The following PLXNA2 variants were observed in gnomAD, a reference collection of about 807,000 sequenced individuals.
PLXNA2 encodes plexin A2, also known as plexin-A2.
A neutral mutation model predicts 193.5 loss-of-function variants in PLXNA2; 91 were observed. The observed-to-expected ratio is 0.47, with a 90% CI of 0.40 to 0.56. The LOEUF (loss-of-function observed/expected upper bound fraction) is 0.56. Ranked by LOEUF, PLXNA2 falls within the 20% of genes least tolerant of loss-of-function variation. PLXNA2 has a pLI of 0.00. For missense variants in PLXNA2, 1,995 were observed against 2,503.2 expected (o/e 0.80, Z 4.33); for synonymous variants, 997 against 1,027.3 (o/e 0.97, Z 0.56).
chr1:208,084,385 T>C lies in PLXNA2; in HGVS notation c.2293A>G (p.Ser765Gly), dbSNP rs1444498462. 12 of 1,614,088 alleles carry C rather than the reference T, an allele frequency of 7.4e-6. No individual in the cohort carries two copies. The highest frequency in any genetic ancestry group is 3.3e-5 in the Admixed American group (2 of 60,008). The part of the protein sequence containing the change: ...FNSSSVQCQN[S>G]SYQYDGMDIS... ...CCCAGCCTGCGTTTTCTTACCGAGC[T>C]GTTCTGACACTGAACGCTGGAGCTG... The change falls in exon 10 of 32, where the codon AGC becomes GGC. Residue 765 changes from serine (S) to glycine (G), a missense_variant. Ser to Gly is a moderately conservative substitution (Grantham distance 56, BLOSUM62 0). This residue lies in a region of PLXNA2 where 1,291 missense variants were observed against 1,673.6 expected (regional missense o/e 0.77). Coordinates refer to ENST00000367033, the MANE Select transcript of PLXNA2 (RefSeq NM_025179.4).
At chr1:208,160,818 C>A (rs184954143) in intron 3 of PLXNA2, among the ~76,000 whole-genome samples, 237 of 152,332 alleles carry the variant, frequency 1.6e-3, no homozygotes, top group African/African-American at 5.4e-3. Flanking sequence ...CAGAGAGGGC[C>A]CACTGGGCCT....
chr1:208,143,825 TTC>T (rs1668528910), intron 3 of PLXNA2, among the ~76,000 whole-genome samples: 1 of 152,168 alleles, frequency 6.6e-6, no homozygotes, highest in South Asian at 2.1e-4. Flanking sequence ...ACTCGAATTG[TTC>T]TCTAATTGCT....
At position 208,084,396 on chromosome 1, in the gene PLXNA2, T is replaced by C; in HGVS notation, c.2282A>G (p.Gln761Arg). 1.9e-6 allele frequency: 3 copies of C among 1,614,256 alleles called. No individual in the cohort carries two copies. Among genetic ancestry groups the C allele is most frequent in the Non-Finnish European group, 2.5e-6 (3 of 1,180,044 alleles). Residue 761 changes from glutamine (Q) to arginine (R), a missense_variant, in exon 10 of 32, where the codon CAG (glutamine) becomes CGG (arginine). By Grantham distance (43) the Gln-to-Arg change is conservative. Coordinates refer to ENST00000367033, the MANE Select transcript of PLXNA2 (RefSeq NM_025179.4). ...PALRFNSSSV[Q>R]CQNSSYQYDG... ...TTTTCTTACCGAGCTGTTCTGACACTGAACGCTGGAGCTGTTGAAGCGCAG... is the reference window on the plus strand; with the variant it reads ...TTTTCTTACCGAGCTGTTCTGACACCGAACGCTGGAGCTGTTGAAGCGCAG...
chr1:208,113,819 G>A (rs909088581), intron 4 of PLXNA2, among the ~76,000 whole-genome samples: 1 of 152,134 alleles, frequency 6.6e-6, no homozygotes, highest in Non-Finnish European at 1.5e-5. Flanking sequence ...GCAACTCAAA[G>A]TGTTGGAATT....
At chr1:208,076,552 A>G (rs1666157505) in intron 12 of PLXNA2, among the ~76,000 whole-genome samples, 1 of 152,208 alleles carries the variant, frequency 6.6e-6, no homozygotes, top group Non-Finnish European at 1.5e-5. Context: ...GGTACCATAC[A>G]GGTATTTTTG....
At chr1:208,068,239 C>G (rs1665860020) in intron 12 of PLXNA2, among the ~76,000 whole-genome samples, 1 of 152,206 alleles carries the variant, frequency 6.6e-6, no homozygotes, top group Admixed American at 6.5e-5. Context: ...CTGGTCTCAA[C>G]CAGACACTAG....
At chr1:208,232,097 C>T (rs1671710258) in intron 1 of PLXNA2, among the ~76,000 whole-genome samples, 1 of 152,210 alleles carries the variant, frequency 6.6e-6, no homozygotes, top group African/African-American at 2.4e-5. Context: ...TGCCATTTGG[C>T]TCTTGCCCAG....
At position 208,026,980 on chromosome 1, in the gene PLXNA2, G is replaced by T; in HGVS notation, c.*263C>A. ...AACTGTCCCCAGCTCGTGCCTCTCGGCTTGAAGAACCACCTTCTCCCGGCC... is the reference window on the plus strand; with the variant it reads ...AACTGTCCCCAGCTCGTGCCTCTCGTCTTGAAGAACCACCTTCTCCCGGCC... On this transcript the variant is annotated 3_prime_UTR_variant, in exon 32 of 32. Transcript: ENST00000367033. 1 of 384,560 alleles carries T rather than the reference G, an allele frequency of 2.6e-6. No homozygotes were observed. The highest frequency in any genetic ancestry group is 4.8e-6 in the Non-Finnish European group (1 of 209,612). 23.8% of individuals were successfully genotyped at this position (384,560 alleles called of 1,614,324 possible). A position where few individuals can be genotyped will look rare whatever the true frequency, so the allele number is the denominator to read the frequency against.
Position 208,210,368 on chromosome 1 carries a change from C to T in PLXNA2, c.1283G>A (p.Ser428Asn). The T allele has an allele frequency of 1.2e-6, 2 of 1,614,042 alleles. No individual in the cohort carries two copies. Among genetic ancestry groups the T allele is most frequent in the South Asian group, 2.2e-5 (2 of 91,068 alleles). The change falls in exon 3 of 32, where the codon AGC becomes AAC. Residue 428 changes from serine to asparagine, a missense_variant. Ser to Asn is a conservative substitution (Grantham distance 46, BLOSUM62 1). This residue lies in a region of PLXNA2 where 702 missense variants were observed against 812.9 expected (regional missense o/e 0.86). Transcript: ENST00000367033. ...PVEGLTLYTT[S>N]RDRMTSVASY... ...GGCCACAGAGGTCATGCGGTCCCTG[C>T]TGGTGGTGTACAGGGTCAGGCCCTC...
intron 3 of PLXNA2, among the ~76,000 whole-genome samples, chr1:208,187,025 A>T (rs1572011409): frequency 1.3e-5 from 2 of 152,072 alleles, no homozygotes; most frequent in Non-Finnish European, 2.9e-5. Flanking sequence ...CCGGCCTGCA[A>T]TGTTATTTTG....
At chr1:208,196,893 G>T (rs893681247) in intron 3 of PLXNA2, among the ~76,000 whole-genome samples, 4 of 152,180 alleles carry the variant, frequency 2.6e-5, no homozygotes, top group African/African-American at 9.7e-5. Flanking sequence ...TTTGTCCTCT[G>T]TATCTGGGTA....
chr1:208,050,072 TACAG>T (rs1471065025), intron 17 of PLXNA2, among the ~76,000 whole-genome samples: 24 of 152,342 alleles, frequency 1.6e-4, no homozygotes, highest in African/African-American at 5.8e-4. Flanking sequence ...ATCCCTACGA[TACAG>T]ACAACTTTTT....
At chr1:208,122,813 T>A (rs1157231765) in intron 4 of PLXNA2, among the ~76,000 whole-genome samples, 2 of 152,216 alleles carry the variant, frequency 1.3e-5, no homozygotes, top group Non-Finnish European at 2.9e-5. Context: ...TGGTGCAGCA[T>A]CCACTTCCTC....
intron 4 of PLXNA2, among the ~76,000 whole-genome samples, chr1:208,109,786 C>T (rs1468221206): frequency 1.3e-5 from 2 of 152,170 alleles, no homozygotes; most frequent in African/African-American, 4.8e-5. Context: ...GAGAAGGTGG[C>T]CCAGGAGTCC....
At position 208,093,859 on chromosome 1, in the gene PLXNA2, GCTC is replaced by G. The variant is rs1460668042; in HGVS notation, c.1983-962_1983-960del. 2.0e-5 allele frequency among the ~76,000 whole-genome samples: 3 copies of G among 152,210 alleles called. No individual in the cohort carries two copies. In the East Asian group the frequency reaches 5.8e-4, roughly 29 times the overall value. On this transcript the variant is annotated intron_variant, in intron 8 of 31. Transcript: ENST00000367033. The stretch of plus-strand genomic sequence containing the variant: ...GGGTTTTGTAGGGGGGATTAGTCTT[GCTC>G]CTCCTCGCAGCCCCCTTACTCTATC...
chr1:208,200,577 C>T (rs1249866), intron 3 of PLXNA2, among the ~76,000 whole-genome samples: 304 of 113,992 alleles, frequency 2.7e-3, no homozygotes, highest in Non-Finnish European at 4.5e-3. Context: ...CCCAATCCTT[C>T]TTTTTTTTTT....
rs1390537366 is a variant in PLXNA2 at position 208,210,334 on chromosome 1, A to T, written c.1317T>A (p.Val439=). ...CAAAAACCACGCTGTAGCCGTTGTAAACGTAGGAGGCCACAGAGGTCATGC... is the reference window on the plus strand; with the variant it reads ...CAAAAACCACGCTGTAGCCGTTGTATACGTAGGAGGCCACAGAGGTCATGC... ...RDRMTSVASY[V]YNGYSVVFVG... The change falls in exon 3 of 32, where the codon GTT becomes GTA. Residue 439 remains valine, a synonymous_variant. Coordinates refer to ENST00000367033, the MANE Select transcript of PLXNA2 (RefSeq NM_025179.4). 6.2e-7 allele frequency: 1 copy of T among 1,613,882 alleles called. No individual in the cohort carries two copies. The highest frequency in any genetic ancestry group is 1.3e-5 in the African/African-American group (1 of 74,876).
Position 208,024,195 on chromosome 1 carries a change from C to T in PLXNA2, c.*3048G>A, listed in dbSNP as rs1347759851. 6.6e-6 allele frequency: 1 copy of T among 152,252 alleles called. No individual in the cohort carries two copies. The highest frequency in any genetic ancestry group is 1.5e-5 in the Non-Finnish European group (1 of 68,074). The allele number at this position is 152,252 out of a possible 1,614,324, so 9.4% of individuals were successfully genotyped here. A position where few individuals can be genotyped will look rare whatever the true frequency, so the allele number is the denominator to read the frequency against. ...CTGGATAGACTTTGGAGAGAGACTT[C>T]CCTCTCTGCCTCCCCCAAGATGAAT... On this transcript the variant is annotated 3_prime_UTR_variant, in exon 32 of 32. Transcript: ENST00000367033.
chr1:208,086,981 G>C (rs61821660), intron 9 of PLXNA2, among the ~76,000 whole-genome samples: 70 of 31,564 alleles, frequency 2.2e-3, no homozygotes, highest in South Asian at 0.012. Context: ...CTCTCTCTCT[G>C]TGTGTGTGTG....
Sources: allele counts gnomAD v4.1 joint callset (sites outside exome capture counted in the v4.1 genomes callset), GRCh38; gene constraint gnomAD v4.1.1; regional missense constraint gnomAD v4.1.1; transcripts MANE v1.5; gene names NCBI Gene and HGNC (gene_info 2026-07-23, HGNC 2026-07-21).